The following MYLK variants were observed in gnomAD, a reference collection of about 807,000 sequenced individuals.
MYLK encodes the protein myosin light chain kinase, smooth muscle.
MYLK carries 106 observed loss-of-function variants against 203.4 expected under a neutral mutation model. The observed-to-expected ratio is 0.52, with a 90% confidence interval of 0.45 to 0.61. The LOEUF is 0.61. Among genes scored for constraint, MYLK ranks in the 20% least tolerant of loss-of-function variants. MYLK has a pLI of 0.00. For synonymous variants in MYLK, 867 were observed against 959.5 expected, an observed-to-expected ratio of 0.90 and a Z score of 1.78; for missense variants, 2,072 against 2,442.3, an observed-to-expected ratio of 0.85 and a Z score of 3.20.
chr3:123,688,558 C>T (rs2060546774), intron 19 of MYLK, among the ~76,000 whole-genome samples: 1 of 152,154 alleles, frequency 6.6e-6, no homozygotes, highest in African/African-American at 2.4e-5. Context: ...ATGAGTGATC[C>T]TTCATAAATG....
chr3:123,715,118 GTTTT>G (rs1198508133), intron 13 of MYLK, among the ~76,000 whole-genome samples: 3 of 152,206 alleles, frequency 2.0e-5, no homozygotes, highest in Non-Finnish European at 2.9e-5. Context: ...GACCCATGGA[GTTTT>G]TCCGTCCTTG....
intron 12 of MYLK, among the ~76,000 whole-genome samples, chr3:123,723,229 G>T (rs2062157343): frequency 6.6e-6 from 1 of 152,190 alleles, no homozygotes; most frequent in South Asian, 2.1e-4. Context: ...AGACAGTACA[G>T]AAAGAAGTCG....
At chr3:123,695,358 C>T (rs570499120) in intron 18 of MYLK, among the ~76,000 whole-genome samples, 1 of 152,368 alleles carries the variant, frequency 6.6e-6, no homozygotes, top group South Asian at 2.1e-4. Context: ...GTCTCCCACA[C>T]CAGCTCTCAG....
intron 10 of MYLK, 36 bp from the exon 11 acceptor site, chr3:123,733,138 C>A (rs749777729): frequency 2.5e-6 from 4 of 1,595,806 alleles, no homozygotes; most frequent in East Asian, 2.2e-5. Flanking sequence ...GCTCCCTATG[C>A]CCTGGAGAGC....
At chr3:123,663,491 A>T (rs1362314181) in intron 23 of MYLK, among the ~76,000 whole-genome samples, 1 of 152,144 alleles carries the variant, frequency 6.6e-6, no homozygotes, top group Non-Finnish European at 1.5e-5. Flanking sequence ...GAGAGAAGGT[A>T]GGGTGGCTAG....
intron 13 of MYLK, among the ~76,000 whole-genome samples, chr3:123,721,589 C>A (rs1246414272): frequency 6.6e-6 from 1 of 151,942 alleles, no homozygotes; most frequent in South Asian, 2.1e-4. Flanking sequence ...AGAAGGGGGG[C>A]AGAAAGGGGA....
intron 32 of MYLK, among the ~76,000 whole-genome samples, chr3:123,619,332 C>T (rs1288025838): frequency 1.3e-5 from 2 of 152,166 alleles, no homozygotes; most frequent in Non-Finnish European, 2.9e-5. Flanking sequence ...TCCTCCCTTC[C>T]CTTCAGGCTA....
intron 33 of MYLK, among the ~76,000 whole-genome samples, chr3:123,615,695 C>A (rs2057447814): frequency 1.3e-5 from 2 of 149,090 alleles, no homozygotes; most frequent in Non-Finnish European, 1.5e-5. Flanking sequence ...GTTGCCTAGG[C>A]AGGAGTGCAG....
chr3:123,649,203 G>C lies in MYLK; in HGVS notation c.4289-9C>G, dbSNP rs41443051. 8.3e-4 allele frequency: 1,334 copies of C among 1,612,298 alleles called. 10 individuals are homozygous for C. The African/African-American group carries it at 0.016, about 20-fold the overall frequency. On this transcript the variant is annotated splice_polypyrimidine_tract_variant and intron_variant, in intron 24 of 33. Coordinates refer to ENST00000360304, the MANE Select transcript of MYLK (RefSeq NM_053025.4). ...CACTTCATCCTTCGGCTCTGGGGGG[G>C]GCACAAGGAAGGACAGAGAGGACAC...
intron 2 of MYLK, chr3:123,835,804 AT>A (rs1179697936): frequency 4.6e-5 from 7 of 152,172 alleles, no homozygotes; most frequent in Non-Finnish European, 1.0e-4. Context: ...TAAAAATATT[AT>A]TCTAACTTCT....
At chr3:123,714,198 G>C (rs768073737) in intron 13 of MYLK, among the ~76,000 whole-genome samples, 7 of 152,224 alleles carry the variant, frequency 4.6e-5, no homozygotes, top group Non-Finnish European at 8.8e-5. Context: ...GGAGGGAGCT[G>C]AGACTCAGAG....
chr3:123,776,403 C>T (rs2064080258), intron 4 of MYLK, among the ~76,000 whole-genome samples: 2 of 152,102 alleles, frequency 1.3e-5, no homozygotes, highest in South Asian at 2.1e-4. Flanking sequence ...AATCCTTGTC[C>T]CATTCACCTC....
intron 7 of MYLK, among the ~76,000 whole-genome samples, 185 bp downstream of exon 7, chr3:123,738,712 A>G (rs1021343090): frequency 3.3e-5 from 5 of 152,206 alleles, no homozygotes; most frequent in Non-Finnish European, 7.3e-5. Context: ...CTGCCGCCAT[A>G]TAAGGCATGA....
At chr3:123,865,771 C>T (rs1273595335) in intron 2 of MYLK, among the ~76,000 whole-genome samples, 5 of 152,168 alleles carry the variant, frequency 3.3e-5, no homozygotes, top group Non-Finnish European at 7.4e-5. Context: ...CTTTGACACT[C>T]CTCCTACCAA....
intron 2 of MYLK, among the ~76,000 whole-genome samples, chr3:123,845,803 A>C (rs1387460378): frequency 6.6e-6 from 1 of 152,106 alleles, no homozygotes; most frequent in Non-Finnish European, 1.5e-5. Context: ...ACAGCTACAC[A>C]CTTCTATGCC....
At chr3:123,742,968 G>A (rs535544785) in intron 5 of MYLK, among the ~76,000 whole-genome samples, 3 of 152,282 alleles carry the variant, frequency 2.0e-5, no homozygotes, top group Admixed American at 1.3e-4. Context: ...AGCTGGGGGA[G>A]GAGGGGATGG....
rs371602931 is a variant in MYLK, at chr3:123,664,175, G to A, written c.3915C>T (p.Cys1305=). Reference sequence around the variant, plus strand: ...TCTCCACCAGCAGTGTGTAGCAGCCGCAGTGCTCCTGGCGCGCGGCCAGGA... The same window carrying A: ...TCTCCACCAGCAGTGTGTAGCAGCCACAGTGCTCCTGGCGCGCGGCCAGGA... ...LTILAARQEH[C]GCYTLLVENK... is the part of the protein sequence containing the mutation. The change falls in exon 23 of 34, where the codon TGC becomes TGT. Residue 1305 remains cysteine (C), a synonymous_variant. Coordinates refer to ENST00000360304, the MANE Select transcript of MYLK (RefSeq NM_053025.4). 2.9e-4 allele frequency: 462 copies of A among 1,614,142 alleles called. 1 individual carries two copies. The highest frequency in any genetic ancestry group is 3.4e-4 in the Non-Finnish European group (405 of 1,179,988).
In MYLK at chr3:123,707,995, C is replaced by A. The variant is rs150936840; in HGVS notation, c.2149G>T (p.Asp717Tyr). 183 of 1,614,050 alleles carry A rather than the reference C, an allele frequency of 1.1e-4. No homozygotes were observed. The East Asian group carries it at 2.7e-3, about 24-fold the overall frequency. Residue 717 changes from aspartate to tyrosine, a missense_variant, in exon 16 of 34, where the codon GAT (aspartate) becomes TAT (tyrosine). Asp to Tyr is a radical substitution (Grantham distance 160). Around this residue, in one of 3 missense-constraint regions of MYLK, gnomAD observed 865 missense variants for 1,016.0 expected, o/e 0.85. Transcript: ENST00000360304. ...CTGATGAACCAGGGCTGGGTGCCAT[C>A]GTGAGGCTCTGGAAATTGGCAAAGG... ...QAVLTVQEPHDGTQPWFISKP... is the reference protein window; with the variant it reads ...QAVLTVQEPHYGTQPWFISKP...
intron 24 of MYLK, among the ~76,000 whole-genome samples, chr3:123,656,492 C>T (rs2059392117): frequency 6.6e-6 from 1 of 152,184 alleles, no homozygotes; most frequent in South Asian, 2.1e-4. Context: ...GGCTTTGTAA[C>T]CTTTGCTCAT....
Sources: allele counts gnomAD v4.1 joint callset (sites outside exome capture counted in the v4.1 genomes callset), GRCh38; gene constraint gnomAD v4.1.1; regional missense constraint gnomAD v4.1.1; transcripts MANE v1.5; gene names NCBI Gene and HGNC (gene_info 2026-07-23, HGNC 2026-07-21).